The following LIN52 variants were observed in gnomAD, a reference collection of about 807,000 sequenced individuals.
LIN52 encodes lin-52 DREAM MuvB core complex component.
Under a neutral mutation model 18.5 loss-of-function variants are expected in LIN52, and 4 were observed. The ratio of observed to expected loss-of-function variants is 0.22; its 90% CI spans 0.11 to 0.49. LIN52 has a LOEUF of 0.49. Ranked by LOEUF, LIN52 falls within the 20% of genes least tolerant of loss-of-function variation. The pLI is 0.97. For missense variants in LIN52, 102 were observed against 139.5 expected, an observed-to-expected ratio of 0.73 and a Z score of 1.35; for synonymous variants, 34 against 45.5, an observed-to-expected ratio of 0.75 and a Z score of 1.02.
At chr14:74,097,731 T>G in intron 3 of LIN52, 63 bp from the exon 4 acceptor site, 1 of 1,237,344 alleles carries the variant, frequency 8.1e-7, no homozygotes, top group East Asian at 2.4e-5. Flanking sequence ...ACACTTCTTA[T>G]AAGAATAATA....
chr14:74,142,152 A>G (rs185355263), intron 5 of LIN52, among the ~76,000 whole-genome samples: 5 of 152,314 alleles, frequency 3.3e-5, no homozygotes, highest in African/African-American at 9.6e-5. Context: ...TGCAAATTGA[A>G]TGGTAGAAAT....
At chr14:74,149,981 G>A (rs993097349) in intron 5 of LIN52, among the ~76,000 whole-genome samples, 2 of 152,160 alleles carry the variant, frequency 1.3e-5, no homozygotes, top group Non-Finnish European at 2.9e-5. Context: ...CTGCTTCTAA[G>A]TGTCTCAAAT....
At chr14:74,118,056 A>G (rs1358029205) in intron 5 of LIN52, among the ~76,000 whole-genome samples, 2 of 152,202 alleles carry the variant, frequency 1.3e-5, no homozygotes, top group Non-Finnish European at 2.9e-5. Flanking sequence ...ACGTCCTTTC[A>G]ATGGAGAGTT....
chr14:74,198,837 TC>T (rs1332456380), intron 5 of LIN52, 84 bp from the exon 6 acceptor site: 6 of 1,008,180 alleles, frequency 6.0e-6, no homozygotes, highest in Non-Finnish European at 9.3e-6. Flanking sequence ...TTTAAATCAA[TC>T]TGCATTTTTA....
At position 74,087,413 on chromosome 14, in the gene LIN52, CAAAAAAA is replaced by C. The variant is rs59052804; in HGVS notation, c.19+2437_19+2443del. Among the ~76,000 whole-genome samples, 163 of 100,210 alleles carry C rather than the reference CAAAAAAA, an allele frequency of 1.6e-3. 1 individual carries two copies. The highest frequency in any genetic ancestry group is 2.7e-3 in the Admixed American group (23 of 8,440). The allele number at this position is 100,210 out of a possible 152,430, so 65.7% of individuals were successfully genotyped here. A position where few individuals can be genotyped will look rare whatever the true frequency, so the allele number is the denominator to read the frequency against. ...CCTGGGACAGAGCGAGACTCCATTGCAAAAAAAAAAAAAAAAAAAAAAATTAAATTTT... is the reference window on the plus strand; with the variant it reads ...CCTGGGACAGAGCGAGACTCCATTGCAAAAAAAAAAAAAAAATTAAATTTT... On this transcript the variant is annotated intron_variant, in intron 1 of 5. Transcript: ENST00000555028.
intron 5 of LIN52, among the ~76,000 whole-genome samples, chr14:74,158,973 C>G (rs560214923): frequency 6.6e-6 from 1 of 152,304 alleles, no homozygotes; most frequent in South Asian, 2.1e-4. Context: ...CCTCCCAGGT[C>G]TCTCTAATCT....
intron 5 of LIN52, among the ~76,000 whole-genome samples, chr14:74,130,734 C>T (rs1566856751): frequency 6.6e-6 from 1 of 151,116 alleles, no homozygotes; most frequent in Non-Finnish European, 1.5e-5. Flanking sequence ...GGATTACAGG[C>T]ATGTGCCACC....
intron 5 of LIN52, among the ~76,000 whole-genome samples, chr14:74,130,280 T>TTG (rs201395009): frequency 0.21 from 24,096 of 114,236 alleles, 3,640 homozygotes; most frequent in South Asian, 0.51. Flanking sequence ...ATTTTTTGGT[T>TTG]TTTTTTTTTT....
At chr14:74,101,290 T>G in intron 5 of LIN52, 52 bp downstream of exon 5, 1 of 1,287,296 alleles carries the variant, frequency 7.8e-7, no homozygotes, top group Non-Finnish European at 1.1e-6. Context: ...CTGAGCTGTG[T>G]ATTCCACCCT....
chr14:74,190,519 G>C (rs111516726), intron 5 of LIN52, among the ~76,000 whole-genome samples: 49 of 148,800 alleles, frequency 3.3e-4, no homozygotes, highest in African/African-American at 1.1e-3. Context: ...AGCCTCCCAA[G>C]TAGCTGGGAT....
chr14:74,104,207 A>AT (rs1456934916), intron 5 of LIN52, among the ~76,000 whole-genome samples: 1 of 152,076 alleles, frequency 6.6e-6, no homozygotes, highest in Non-Finnish European at 1.5e-5. Flanking sequence ...GGCTACTGTT[A>AT]TTTTTTAAAA....
intron 1 of LIN52, among the ~76,000 whole-genome samples, chr14:74,089,095 G>GGGAGC (rs1322637823): frequency 6.6e-6 from 1 of 152,120 alleles, no homozygotes; most frequent in Non-Finnish European, 1.5e-5. Flanking sequence ...GGGTAAGAAT[G>GGGAGC]GGAGCAGAGA....
chr14:74,182,706 C>A (rs981435546), intron 5 of LIN52, among the ~76,000 whole-genome samples: 2 of 152,072 alleles, frequency 1.3e-5, no homozygotes, highest in African/African-American at 4.8e-5. Context: ...ATCAAACTGG[C>A]CTGGACCTGA....
intron 5 of LIN52, among the ~76,000 whole-genome samples, chr14:74,113,285 G>A (rs2060941377): frequency 1.3e-5 from 2 of 152,064 alleles, no homozygotes; most frequent in African/African-American, 4.8e-5. Flanking sequence ...TCAGCTACCC[G>A]GGATGCTGAG....
At chr14:74,163,092 CT>C (rs2061233044) in intron 5 of LIN52, among the ~76,000 whole-genome samples, 1 of 152,052 alleles carries the variant, frequency 6.6e-6, no homozygotes, top group Non-Finnish European at 1.5e-5. Context: ...CTTTTTTGTT[CT>C]TGTTTTGAGA....
intron 5 of LIN52, among the ~76,000 whole-genome samples, chr14:74,138,641 T>C (rs114354971): frequency 0.016 from 2,371 of 152,006 alleles, 66 homozygotes; most frequent in African/African-American, 0.055. Flanking sequence ...TAGTCTCTGC[T>C]ACTTGGGAGG....
chr14:74,169,933 G>C (rs1011326613), intron 5 of LIN52, among the ~76,000 whole-genome samples: 24 of 152,166 alleles, frequency 1.6e-4, no homozygotes, highest in Non-Finnish European at 2.6e-4. Flanking sequence ...TGCCTGAGTG[G>C]GGGTTTCAGG....
intron 5 of LIN52, among the ~76,000 whole-genome samples, chr14:74,136,006 T>C (rs1400487378): frequency 1.3e-5 from 2 of 152,232 alleles, no homozygotes; most frequent in African/African-American, 4.8e-5. Flanking sequence ...CAGTCCATGC[T>C]AATGGTATTC....
At chr14:74,191,750 C>T (rs992601138) in intron 5 of LIN52, among the ~76,000 whole-genome samples, 1 of 152,016 alleles carries the variant, frequency 6.6e-6, no homozygotes, top group Non-Finnish European at 1.5e-5. Context: ...TCTCCTGCCT[C>T]AGCCTCCCCA....
Sources: allele counts gnomAD v4.1 joint callset (sites outside exome capture counted in the v4.1 genomes callset), GRCh38; gene constraint gnomAD v4.1.1; transcripts MANE v1.5; gene names NCBI Gene and HGNC (gene_info 2026-07-23, HGNC 2026-07-21).